The following SDHA variants were observed in gnomAD, a reference collection of about 807,000 sequenced individuals.
SDHA encodes the protein succinate dehydrogenase complex flavoprotein subunit A, also known as succinate dehydrogenase [ubiquinone] flavoprotein subunit, mitochondrial.
In SDHA, 48 loss-of-function variants were observed where a neutral mutation model predicts 78.4. That is an observed-to-expected ratio of 0.61 (90% CI 0.49 to 0.78). SDHA has a LOEUF of 0.78. Ranked by LOEUF, SDHA falls within the 30% of genes least tolerant of loss-of-function variation. SDHA has a pLI of 0.00. For missense variants in SDHA, 680 were observed against 892.7 expected, an observed-to-expected ratio of 0.76 and a Z score of 3.04; for synonymous variants, 326 against 353.9, an observed-to-expected ratio of 0.92 and a Z score of 0.88.
rs758468864 is a variant in SDHA at position 256,823 on chromosome 5, C to CTTTTTTTTT, written c.*407_*408insTTTTTTTTT. The CTTTTTTTTT allele has an allele frequency of 1.1e-3, 246 of 227,746 alleles. 6 individuals carry two copies. Among genetic ancestry groups the CTTTTTTTTT allele is most frequent in the African/African-American group, 3.8e-3 (143 of 38,010 alleles). 14.1% of individuals were successfully genotyped at this position (227,746 alleles called of 1,614,324 possible). A position where few individuals can be genotyped will look rare whatever the true frequency, so the allele number is the denominator to read the frequency against. On this transcript the variant is annotated 3_prime_UTR_variant, in exon 15 of 15. Coordinates refer to ENST00000264932, the MANE Select transcript of SDHA (RefSeq NM_004168.4). ...TTTGTATAGTTTCTTTTTTCTTTTTCTTTTCTTTTTTTTTTTTGAGACAGG... is the reference window on the plus strand; with the variant it reads ...TTTGTATAGTTTCTTTTTTCTTTTTCTTTTTTTTTTTTTCTTTTTTTTTTTTGAGACAGG...
intron 14 of SDHA, among the ~76,000 whole-genome samples, chr5:255,775 CAA>C (rs750540359): frequency 2.6e-5 from 4 of 151,900 alleles, no homozygotes. Context: ...TTAGAAAGTA[CAA>C]AGAGATTGAA....
chr5:254,623 C>A, intron 14 of SDHA, 117 bp downstream of exon 14: 1 of 1,439,220 alleles, frequency 6.9e-7, no homozygotes, highest in Admixed American at 2.0e-5. Context: ...AATCAACTCC[C>A]GACAGATTCG....
At position 235,279 on chromosome 5, in the gene SDHA, C is replaced by A. The variant is rs748383004; in HGVS notation, c.1200C>A (p.Ile400=). Residue 400 remains isoleucine (I), a synonymous_variant, in exon 9 of 15, where the codon ATC becomes ATA. Coordinates refer to ENST00000264932, the MANE Select transcript of SDHA (RefSeq NM_004168.4). ...FAGVDVTKEP[I]PVLPTVHYNM... is the part of the protein sequence containing the mutation. The stretch of plus-strand genomic sequence containing the variant: ...GCGTGGACGTCACGAAGGAGCCGAT[C>A]CCTGTCCTCCCCACCGTGCATTATA... 6.2e-7 allele frequency: 1 copy of A among 1,614,116 alleles called. No individual in the cohort carries two copies. Among genetic ancestry groups the A allele is most frequent in the Admixed American group, 1.7e-5 (1 of 60,022 alleles).
chr5:227,398 C>T (rs1735098057), intron 5 of SDHA, among the ~76,000 whole-genome samples: 1 of 152,202 alleles, frequency 6.6e-6, no homozygotes, highest in African/African-American at 2.4e-5. Flanking sequence ...TTTGGCATGG[C>T]CAAATAATAT....
rs745395045 is a variant in SDHA at position 224,506 on chromosome 5, C to T, written c.297C>T (p.His99=). Residue 99 remains histidine (H), a synonymous_variant, in exon 3 of 15, where the codon CAC becomes CAT. Transcript: ENST00000264932. ...CCAAGCTGTTTCCTACCAGGTCACA[C>T]ACTGTTGCAGCACAGGTAAGAGAAA... The part of the protein sequence containing the change: ...CVTKLFPTRS[H]TVAAQGGINA... 1.9e-6 allele frequency: 3 copies of T among 1,612,748 alleles called. No individual in the cohort carries two copies. In the Admixed American group the frequency reaches 5.0e-5, roughly 27 times the overall value.
At chr5:227,802 G>A in intron 5 of SDHA, 1 of 299,914 alleles carries the variant, frequency 3.3e-6, no homozygotes, top group Non-Finnish European at 6.5e-6. Flanking sequence ...AATTAATTAA[G>A]TGGTTATGTG....
chr5:236,088 G>A (rs1011016693), intron 9 of SDHA: 9 of 365,390 alleles, frequency 2.5e-5, no homozygotes, highest in African/African-American at 8.4e-5. Flanking sequence ...GCAGTGGTGC[G>A]ATCTCAGCTC....
intron 6 of SDHA, among the ~76,000 whole-genome samples, chr5:229,970 A>G (rs1735287025): frequency 6.6e-6 from 1 of 152,220 alleles, no homozygotes; most frequent in Admixed American, 6.5e-5. Flanking sequence ...CGTTAATATT[A>G]TACAGCATGG....
At chr5:259,919 T>C (rs247076), downstream of SDHA, among the ~76,000 whole-genome samples, 9 of 15,806 alleles carry the variant, frequency 5.7e-4, no homozygotes, top group South Asian at 2.9e-3. Flanking sequence ...CCGCCTCCCG[T>C]CAGAGCATTA....
chr5:221,493 T>C (rs962553808), intron 1 of SDHA, among the ~76,000 whole-genome samples: 1 of 152,224 alleles, frequency 6.6e-6, no homozygotes, highest in African/African-American at 2.4e-5. Context: ...TTGTATTAGA[T>C]GAGGACCCCT....
intron 11 of SDHA, among the ~76,000 whole-genome samples, chr5:241,082 G>A (rs1736111537): frequency 6.6e-6 from 1 of 152,090 alleles, no homozygotes; most frequent in African/African-American, 2.4e-5. Context: ...CTATACAGAA[G>A]TGCACTTCTT....
chr5:240,885 G>T (rs1236156102), intron 11 of SDHA, among the ~76,000 whole-genome samples: 1 of 152,004 alleles, frequency 6.6e-6, no homozygotes, highest in Non-Finnish European at 1.5e-5. Context: ...AGTATTTCAT[G>T]GTATATATGT....
chr5:239,909 A>T, intron 10 of SDHA, among the ~76,000 whole-genome samples: 1 of 151,816 alleles, frequency 6.6e-6, no homozygotes, highest in East Asian at 1.9e-4. Flanking sequence ...AGCTGGGATT[A>T]TAGACGCGTG....
Position 236,560 on chromosome 5 carries a change from C to T in SDHA, c.1393C>T (p.Arg465Trp), listed in dbSNP as rs752461029. 7.4e-6 allele frequency: 12 copies of T among 1,613,892 alleles called. No individual in the cohort carries two copies. Among genetic ancestry groups the T allele is most frequent in the East Asian group, 2.2e-5 (1 of 44,898 alleles). The stretch of plus-strand genomic sequence containing the variant: ...GCTCTTGGACCTGGTTGTCTTTGGT[C>T]GGGCATGTGCCCTGAGCATCGAAGA... The part of the protein sequence containing the change: ...NSLLDLVVFG[R>W]ACALSIEESC... The change falls in exon 10 of 15, where the codon CGG becomes TGG. Residue 465 changes from arginine (R) to tryptophan (W), a missense_variant. Physicochemically the swap from Arg to Trp is moderately radical, Grantham distance 101 (BLOSUM62 -3). Transcript: ENST00000264932.
chr5:235,061 T>A (rs1322140486), intron 8 of SDHA, 83 bp from the exon 9 acceptor site: 9 of 1,367,928 alleles, frequency 6.6e-6, no homozygotes, highest in Admixed American at 1.7e-5. Context: ...ATGTTGAAAC[T>A]CACACACTTC....
At chr5:264,505 T>C in the SDHA span, among the ~76,000 whole-genome samples, 1 of 146,890 alleles carries the variant, frequency 6.8e-6, no homozygotes, top group Non-Finnish European at 1.5e-5. Context: ...CTCCACAGGG[T>C]CAGGATGGTC....
chr5:250,891 C>T (rs1234225903), intron 11 of SDHA, 101 bp from the exon 12 acceptor site: 9 of 1,005,770 alleles, frequency 8.9e-6, no homozygotes, highest in Non-Finnish European at 1.3e-5. Context: ...ATTTATGTAA[C>T]TTTTAAGTGA....
chr5:225,604 T>A, intron 4 of SDHA, 42 bp downstream of exon 4: 2 of 1,613,538 alleles, frequency 1.2e-6, no homozygotes, highest in Non-Finnish European at 1.7e-6. Context: ...GGTCTGTTTC[T>A]AGTACAAAAG....
intron 11 of SDHA, among the ~76,000 whole-genome samples, chr5:247,341 C>T (rs1736525422): frequency 6.6e-6 from 1 of 152,208 alleles, no homozygotes; most frequent in Non-Finnish European, 1.5e-5. Flanking sequence ...GAGTAGAATG[C>T]ACCCTTTTTA....
Sources: allele counts gnomAD v4.1 joint callset (sites outside exome capture counted in the v4.1 genomes callset), GRCh38; gene constraint gnomAD v4.1.1; transcripts MANE v1.5; gene names NCBI Gene and HGNC (gene_info 2026-07-23, HGNC 2026-07-21).